The following KCNQ3 variants were observed in gnomAD, a reference collection of about 807,000 sequenced individuals.
KCNQ3 encodes the protein potassium voltage-gated channel subfamily KQT member 3.
A neutral mutation model predicts 92.5 loss-of-function variants in KCNQ3; 30 were observed. That is an observed-to-expected ratio of 0.32 (90% confidence interval 0.24 to 0.44). The LOEUF is 0.44. Among genes scored for constraint, KCNQ3 ranks in the 20% least tolerant of loss-of-function variants. The pLI, the probability that KCNQ3 is intolerant of heterozygous loss-of-function variation, is 1.00. For missense variants in KCNQ3, 913 were observed against 1,140.3 expected (o/e 0.80, Z 2.87); for synonymous variants, 450 against 468.8 (o/e 0.96, Z 0.52).
intron 1 of KCNQ3, among the ~76,000 whole-genome samples, chr8:132,236,510 T>C (rs1814820242): frequency 1.3e-5 from 2 of 152,188 alleles, no homozygotes; most frequent in Non-Finnish European, 2.9e-5. Flanking sequence ...CAATAAAATA[T>C]ATATGGACAC....
chr8:132,180,855 T>C (rs1375318087), intron 3 of KCNQ3, among the ~76,000 whole-genome samples: 3 of 130,666 alleles, frequency 2.3e-5, no homozygotes, highest in Admixed American at 2.2e-4. Flanking sequence ...AAAAAACCAA[T>C]GTTGGGGGTG....
chr8:132,410,279 A>C (rs1820614336), intron 1 of KCNQ3, among the ~76,000 whole-genome samples: 1 of 152,260 alleles, frequency 6.6e-6, no homozygotes, highest in African/African-American at 2.4e-5. Context: ...GGCTAAAATA[A>C]CTGGAGAACA....
intron 1 of KCNQ3, among the ~76,000 whole-genome samples, chr8:132,478,316 G>C (rs1289687908): frequency 1.3e-5 from 2 of 152,156 alleles, no homozygotes; most frequent in Admixed American, 1.3e-4. Context: ...GGAAAGGTGG[G>C]AAGAGAAGAA....
intron 12 of KCNQ3, among the ~76,000 whole-genome samples, chr8:132,137,296 C>T (rs115738355): frequency 0.014 from 2,110 of 152,168 alleles, 47 homozygotes; most frequent in African/African-American, 0.048. Context: ...TGGTTTGATT[C>T]CCAGCTCTGC....
Position 132,275,943 on chromosome 8 carries a change from C to T in KCNQ3, c.387-89762G>A, listed in dbSNP as rs374235046. ...GCCCTCTGTGGAATCACCTGCTGAACCCAAGTAATTAAACTAAAAGACTCC... is the reference window on the plus strand; with the variant it reads ...GCCCTCTGTGGAATCACCTGCTGAATCCAAGTAATTAAACTAAAAGACTCC... On this transcript the variant is annotated intron_variant, in intron 1 of 14. Coordinates refer to ENST00000388996, the MANE Select transcript of KCNQ3 (RefSeq NM_004519.4). Among the ~76,000 whole-genome samples, 62 of 151,758 alleles carry T rather than the reference C, an allele frequency of 4.1e-4. 1 individual carries two copies. In the South Asian group the frequency reaches 0.013, roughly 31 times the overall value.
intron 1 of KCNQ3, among the ~76,000 whole-genome samples, chr8:132,376,977 C>G (rs1303366414): frequency 6.6e-6 from 1 of 152,088 alleles, no homozygotes; most frequent in Non-Finnish European, 1.5e-5. Flanking sequence ...AAGGACACAA[C>G]GAAGGAGAGA....
intron 1 of KCNQ3, among the ~76,000 whole-genome samples, chr8:132,392,790 C>CAAAAAAAAAA (rs56183412): frequency 1.4e-5 from 1 of 72,634 alleles, no homozygotes; most frequent in Non-Finnish European, 2.3e-5. Flanking sequence ...GAACCTGTCT[C>CAAAAAAAAAA]AAAAAAAAAA....
At chr8:132,361,906 T>C (rs894923426) in intron 1 of KCNQ3, among the ~76,000 whole-genome samples, 1 of 152,162 alleles carries the variant, frequency 6.6e-6, no homozygotes, top group Non-Finnish European at 1.5e-5. Flanking sequence ...TGGAAGACAA[T>C]AACTTCTTTA....
chr8:132,253,705 T>C (rs1240605614), intron 1 of KCNQ3, among the ~76,000 whole-genome samples: 2 of 152,236 alleles, frequency 1.3e-5, no homozygotes, highest in Non-Finnish European at 2.9e-5. Context: ...GAAAGACACA[T>C]TGCATGTTTC....
At chr8:132,227,943 C>T (rs1814487197) in intron 1 of KCNQ3, among the ~76,000 whole-genome samples, 1 of 151,870 alleles carries the variant, frequency 6.6e-6, no homozygotes, top group Non-Finnish European at 1.5e-5. Flanking sequence ...AGATAATGCT[C>T]AGGCTCAAAG....
chr8:132,294,280 C>A (rs745339227), intron 1 of KCNQ3, among the ~76,000 whole-genome samples: 3 of 152,136 alleles, frequency 2.0e-5, no homozygotes, highest in East Asian at 3.9e-4. Flanking sequence ...GGATTACAGG[C>A]GTGAGCCACC....
intron 1 of KCNQ3, among the ~76,000 whole-genome samples, chr8:132,416,783 G>A (rs537217458): frequency 2.6e-5 from 4 of 152,250 alleles, no homozygotes; most frequent in African/African-American, 7.2e-5. Flanking sequence ...CTGGGTCCAC[G>A]CTGAGAAAAG....
chr8:132,417,678 CCATTCATTCATT>C (rs59884171), intron 1 of KCNQ3, among the ~76,000 whole-genome samples: 1 of 151,866 alleles, frequency 6.6e-6, no homozygotes, highest in Non-Finnish European at 1.5e-5. Flanking sequence ...ATCCATCCAT[CCATTCATTCATT>C]CATTCATTCA....
At chr8:132,288,839 T>A (rs1159904678) in intron 1 of KCNQ3, among the ~76,000 whole-genome samples, 1 of 152,202 alleles carries the variant, frequency 6.6e-6, no homozygotes, top group Non-Finnish European at 1.5e-5. Context: ...TACCGATGTG[T>A]CCAGGACATC....
At chr8:132,189,562 C>T (rs975461974) in intron 1 of KCNQ3, among the ~76,000 whole-genome samples, 2 of 152,186 alleles carry the variant, frequency 1.3e-5, no homozygotes, top group African/African-American at 4.8e-5. Context: ...CACAGTGGCT[C>T]ATGCCTGTAA....
At chr8:132,426,221 A>G (rs1413161990) in intron 1 of KCNQ3, among the ~76,000 whole-genome samples, 1 of 152,218 alleles carries the variant, frequency 6.6e-6, no homozygotes, top group Admixed American at 6.5e-5. Flanking sequence ...ATCTGGTGAA[A>G]CTGGCAGGGC....
rs879471939 is a variant in KCNQ3 at position 132,418,424 on chromosome 8, T to G, written c.386+61723A>C. Among the ~76,000 whole-genome samples the G allele has an allele frequency of 4.6e-5, 7 of 152,266 alleles. No individual in the cohort carries two copies. The East Asian group carries it at 1.4e-3, about 29-fold the overall frequency. ...GGTCTCAACCCGACTCTGCCTCTAA[T>G]GGTCTCTGTGACTAGGGGTAAGTCA... is the stretch of plus-strand genomic sequence containing the variant. On this transcript the variant is annotated intron_variant, in intron 1 of 14. Coordinates refer to ENST00000388996, the MANE Select transcript of KCNQ3 (RefSeq NM_004519.4).
chr8:132,132,845 GGTTA>G (rs1487699595), intron 13 of KCNQ3, among the ~76,000 whole-genome samples: 5 of 152,146 alleles, frequency 3.3e-5, no homozygotes, highest in African/African-American at 1.2e-4. Flanking sequence ...GCTTAATTCT[GGTTA>G]GTTTCAACAT....
At chr8:132,243,383 G>A (rs1360895349) in intron 1 of KCNQ3, among the ~76,000 whole-genome samples, 2 of 152,216 alleles carry the variant, frequency 1.3e-5, no homozygotes, top group Non-Finnish European at 2.9e-5. Context: ...CCTGGAGGAG[G>A]TGACAGGTGA....
Sources: gnomAD v4.1 joint callset for allele counts (sites outside exome capture counted in the v4.1 genomes callset) on GRCh38, gnomAD v4.1.1 for gene constraint, MANE v1.5 for transcripts, NCBI Gene and HGNC (gene_info 2026-07-23, HGNC 2026-07-21) for gene names.